The following TENM3 variants were observed in gnomAD, a reference collection of about 807,000 sequenced individuals.
TENM3 encodes the protein teneurin-3.
Under a neutral mutation model 255.1 loss-of-function variants are expected in TENM3, and 63 were observed. The ratio of observed to expected loss-of-function variants is 0.25; its 90% CI spans 0.20 to 0.30. The LOEUF (loss-of-function observed/expected upper bound fraction) is 0.30, where lower values mean the gene tolerates loss of function less well. Among genes scored for constraint, TENM3 ranks in the 10% least tolerant of loss-of-function variants. TENM3 has a pLI of 1.00. For missense variants in TENM3, 2,929 were observed against 3,461.1 expected (o/e 0.85, Z 3.86); for synonymous variants, 1,306 against 1,322.3 (o/e 0.99, Z 0.27).
chr4:181,806,929 G>T, the TENM3 span, among the ~76,000 whole-genome samples: 1 of 152,034 alleles, frequency 6.6e-6, no homozygotes, highest in Admixed American at 6.6e-5. Context: ...TTTCTCCATG[G>T]TTGAACTGTA....
At chr4:182,139,644 T>C (rs553111487), upstream of TENM3, among the ~76,000 whole-genome samples, 5 of 152,348 alleles carry the variant, frequency 3.3e-5, no homozygotes, top group Non-Finnish European at 7.3e-5. Context: ...TGTGGAATAA[T>C]GTAGCAAGTT....
chr4:182,793,452 T>G lies in TENM3; in HGVS notation c.6780T>G (p.Thr2260=), dbSNP rs1422739969. Reference sequence around the variant, plus strand: ...ACTTAACTTATCCCACTAGGATTACTCATGTCTACAACCATTCGAGTTCAG... The same window carrying G: ...ACTTAACTTATCCCACTAGGATTACGCATGTCTACAACCATTCGAGTTCAG... ...YADLTYPTRI[T]HVYNHSSSEI... is the part of the protein sequence containing the mutation. Residue 2260 remains threonine (T), a synonymous_variant, in exon 26 of 28, where the codon ACT becomes ACG. Transcript: ENST00000511685. This position sits in a 1 kb window ranked among gnomAD's most constrained non-coding sequence, Gnocchi z 5.7. The G allele has an allele frequency of 6.2e-7, 1 of 1,614,006 alleles. No homozygotes were observed. Among genetic ancestry groups the G allele is most frequent in the Non-Finnish European group, 8.5e-7 (1 of 1,179,886 alleles).
chr4:181,675,427 C>T, the TENM3 span, among the ~76,000 whole-genome samples: 1 of 151,924 alleles, frequency 6.6e-6, no homozygotes, highest in Admixed American at 6.6e-5. Context: ...ATATGACTTA[C>T]AAACTTTTAT....
chr4:181,675,672 C>A, the TENM3 span, among the ~76,000 whole-genome samples: 1 of 152,070 alleles, frequency 6.6e-6, no homozygotes, highest in African/African-American at 2.4e-5. Flanking sequence ...TTGCGTGTGG[C>A]CATCGGGTAG....
the TENM3 span, among the ~76,000 whole-genome samples, chr4:182,001,189 TA>T: frequency 2.0e-5 from 3 of 152,090 alleles, no homozygotes; most frequent in South Asian, 6.2e-4. Flanking sequence ...CAGCATTAGG[TA>T]GTTCAAATAT....
At chr4:182,516,890 C>CAACAAA (rs1738014012) in intron 3 of TENM3, among the ~76,000 whole-genome samples, 1 of 128,126 alleles carries the variant, frequency 7.8e-6, no homozygotes. Context: ...GACCCAGTCT[C>CAACAAA]AAAAAAAAAA....
At chr4:182,089,320 C>T in the TENM3 span, among the ~76,000 whole-genome samples, 2 of 152,084 alleles carry the variant, frequency 1.3e-5, no homozygotes, top group African/African-American at 2.4e-5. Flanking sequence ...TGCCAAAAGT[C>T]GGGTCTCCTG....
chr4:182,544,803 A>G (rs1435849774), intron 3 of TENM3, among the ~76,000 whole-genome samples: 3 of 152,214 alleles, frequency 2.0e-5, no homozygotes, highest in Non-Finnish European at 4.4e-5. Flanking sequence ...AGGGACTTGG[A>G]GTCAAATATA....
chr4:182,462,645 G>A (rs1371865530), intron 3 of TENM3, among the ~76,000 whole-genome samples: 1 of 151,882 alleles, frequency 6.6e-6, no homozygotes, highest in Non-Finnish European at 1.5e-5. Context: ...AAATTTACTT[G>A]ATATGGCCAG....
the TENM3 span, among the ~76,000 whole-genome samples, chr4:181,592,449 T>C: frequency 2.6e-5 from 4 of 151,816 alleles, no homozygotes; most frequent in Admixed American, 2.0e-4. Context: ...GCAAGGATGC[T>C]TGACAGAGGA....
the TENM3 span, among the ~76,000 whole-genome samples, chr4:181,642,545 C>G: frequency 1.3e-5 from 2 of 151,642 alleles, no homozygotes; most frequent in Admixed American, 1.3e-4. Flanking sequence ...AGTCTTTGAC[C>G]ATGCCGATGT....
At chr4:181,477,068 AT>A in the TENM3 span, among the ~76,000 whole-genome samples, 2 of 1,598 alleles carry the variant, frequency 1.3e-3, no homozygotes, top group African/African-American at 2.4e-3. Flanking sequence ...AACCCAATTC[AT>A]TCATTCATTC....
At chr4:182,077,128 T>C in the TENM3 span, among the ~76,000 whole-genome samples, 1 of 152,172 alleles carries the variant, frequency 6.6e-6, no homozygotes, top group African/African-American at 2.4e-5. Flanking sequence ...GCCATCATTG[T>C]GTGATATTCA....
At chr4:182,699,206 A>AAGGT (rs1757659148) in intron 12 of TENM3, among the ~76,000 whole-genome samples, 1 of 152,228 alleles carries the variant, frequency 6.6e-6, no homozygotes, top group African/African-American at 2.4e-5. Context: ...GGCCCACTGG[A>AAGGT]AGGCGGGCCC....
At chr4:181,495,556 CGA>C in the TENM3 span, among the ~76,000 whole-genome samples, 95,090 of 148,560 alleles carry the variant, frequency 0.64, 30,420 homozygotes, top group East Asian at 0.89. Context: ...TTAGTATACA[CGA>C]GAGAGAGAGA....
chr4:182,204,811 G>A (rs1754441983), intron 1 of TENM3, among the ~76,000 whole-genome samples: 1 of 152,146 alleles, frequency 6.6e-6, no homozygotes, highest in South Asian at 2.1e-4. Flanking sequence ...AAATCTCTGT[G>A]TTCAATGAAG....
At position 182,801,136 on chromosome 4, in the gene TENM3, T is replaced by C. The variant is rs1454603029; in HGVS notation, c.*785T>C. 1 of 152,344 alleles carries C rather than the reference T, an allele frequency of 6.6e-6. No individual in the cohort carries two copies. Among genetic ancestry groups the C allele is most frequent in the Non-Finnish European group, 1.5e-5 (1 of 68,036 alleles). The allele number at this position is 152,344 out of a possible 1,614,324, so 9.4% of individuals were successfully genotyped here. ...TAAAATGATAAAAACGTGAACTGTG[T>C]GATTTTTTTAAAAGGATTGCACCTT... is the stretch of plus-strand genomic sequence containing the variant. On this transcript the variant is annotated 3_prime_UTR_variant, in exon 28 of 28. Transcript: ENST00000511685.
chr4:182,566,703 A>G (rs1335439650), intron 3 of TENM3, among the ~76,000 whole-genome samples: 2 of 152,204 alleles, frequency 1.3e-5, no homozygotes. Flanking sequence ...GAATGTCATT[A>G]TGCATTTACA....
chr4:182,528,652 T>C lies in TENM3; in HGVS notation c.512-72272T>C, dbSNP rs1473976036. Among the ~76,000 whole-genome samples the C allele has an allele frequency of 2.0e-5, 3 of 152,200 alleles. No homozygotes were observed. In the East Asian group the frequency reaches 5.8e-4, roughly 29 times the overall value. ...AAATTATGCATTAAACAAACCAATT[T>C]TGTATTACTATGAATCACTCAGTAT... On this transcript the variant is annotated intron_variant, in intron 3 of 27. Coordinates refer to ENST00000511685, the MANE Select transcript of TENM3 (RefSeq NM_001080477.4).
Sources: gnomAD v4.1 joint callset for allele counts (sites outside exome capture counted in the v4.1 genomes callset) on GRCh38, gnomAD v4.1.1 for gene constraint, Gnocchi (gnomAD v3.1) non-coding constraint, MANE v1.5 for transcripts, NCBI Gene and HGNC (gene_info 2026-07-23, HGNC 2026-07-21) for gene names.